NELL1: variants seen among roughly 807,000 people sequenced by gnomAD.
The protein encoded by NELL1 is neural EGFL like 1.
A neutral mutation model predicts 107.4 loss-of-function variants in NELL1; 76 were observed. That is an observed-to-expected ratio of 0.71 (90% CI 0.59 to 0.86). The LOEUF (loss-of-function observed/expected upper bound fraction) is 0.86, where lower values mean the gene tolerates loss of function less well. Ranked by LOEUF, NELL1 falls within the 40% of genes least tolerant of loss-of-function variation. The probability of loss-of-function intolerance (pLI) is 0.00; values close to 1 mark genes in which losing one functional copy is unlikely to be tolerated. For synonymous variants in NELL1, 353 were observed against 341.2 expected (o/e 1.03, Z -0.38); for missense variants, 1,024 against 1,005.5 (o/e 1.02, Z -0.25).
chr11:21,078,708 G>C (rs762654353), intron 12 of NELL1, among the ~76,000 whole-genome samples: 2 of 152,006 alleles, frequency 1.3e-5, no homozygotes, highest in Non-Finnish European at 2.9e-5. Flanking sequence ...TATATATTAT[G>C]TCATACCTGC....
intron 15 of NELL1, among the ~76,000 whole-genome samples, chr11:21,524,005 G>A (rs1400736015): frequency 6.6e-6 from 1 of 152,026 alleles, no homozygotes. Context: ...ACCTTGGTTG[G>A]TAGCAGAAAT....
Position 21,181,357 on chromosome 11 carries a change from T to TA in NELL1, c.1427-47974dup, listed in dbSNP as rs777856471. On this transcript the variant is annotated intron_variant, in intron 13 of 19. Coordinates refer to ENST00000357134, the MANE Select transcript of NELL1 (RefSeq NM_006157.5). ...ACCAACCTATAATACAAAGTGATAC[T>TA]AGGCAAGTGGATTTACTCAGGGGAT... Among the ~76,000 whole-genome samples the TA allele has an allele frequency of 5.4e-4, 82 of 151,892 alleles. 2 individuals are homozygous for TA. Among genetic ancestry groups the TA allele is most frequent in the African/African-American group, 1.5e-4 (6 of 41,196 alleles).
intron 15 of NELL1, among the ~76,000 whole-genome samples, chr11:21,448,084 G>A (rs910680160): frequency 1.3e-5 from 2 of 152,158 alleles, no homozygotes; most frequent in Non-Finnish European, 2.9e-5. Flanking sequence ...TTGATGAGTG[G>A]AGGCATTAGC....
intron 12 of NELL1, among the ~76,000 whole-genome samples, chr11:21,085,235 T>C (rs1479624813): frequency 6.6e-6 from 1 of 151,998 alleles, no homozygotes; most frequent in Admixed American, 6.6e-5. Flanking sequence ...GTGGAAGAAA[T>C]AGGTGACAAA....
intron 12 of NELL1, among the ~76,000 whole-genome samples, chr11:21,012,591 G>A (rs968514983): frequency 3.3e-5 from 5 of 152,072 alleles, no homozygotes; most frequent in African/African-American, 7.2e-5. Context: ...CATACAGTTC[G>A]CTAAAAATGA....
intron 12 of NELL1, among the ~76,000 whole-genome samples, chr11:21,107,458 T>C (rs898375189): frequency 6.6e-6 from 1 of 152,210 alleles, no homozygotes; most frequent in African/African-American, 2.4e-5. Context: ...ATAAAATTGC[T>C]CTGCAAGTTA....
At chr11:21,271,944 G>C (rs1356708473) in intron 14 of NELL1, among the ~76,000 whole-genome samples, 2 of 152,318 alleles carry the variant, frequency 1.3e-5, no homozygotes, top group African/African-American at 4.8e-5. Context: ...GGCTGAATAG[G>C]AACAGCTCCA....
At chr11:21,160,741 T>A (rs768632717) in intron 13 of NELL1, among the ~76,000 whole-genome samples, 2 of 152,198 alleles carry the variant, frequency 1.3e-5, no homozygotes, top group Non-Finnish European at 2.9e-5. Context: ...AGGCTAATAA[T>A]GTGTTTCATG....
At chr11:21,459,065 C>A (rs140191356) in intron 15 of NELL1, among the ~76,000 whole-genome samples, 1 of 152,052 alleles carries the variant, frequency 6.6e-6, no homozygotes, top group South Asian at 2.1e-4. Context: ...ATGTGAGATT[C>A]ATACCCAATT....
At chr11:20,921,220 G>A (rs531894050) in intron 7 of NELL1, among the ~76,000 whole-genome samples, 5 of 152,290 alleles carry the variant, frequency 3.3e-5, no homozygotes, top group South Asian at 4.1e-4. Flanking sequence ...TAGAGGGCCA[G>A]ATTTGGTCCA....
At chr11:20,743,277 C>T (rs1299462303) in intron 2 of NELL1, among the ~76,000 whole-genome samples, 1 of 151,728 alleles carries the variant, frequency 6.6e-6, no homozygotes, top group Non-Finnish European at 1.5e-5. Context: ...TCCTTGAACC[C>T]GGGGGGTGGT....
chr11:20,871,649 G>A (rs1361533389), intron 4 of NELL1, among the ~76,000 whole-genome samples: 1 of 150,388 alleles, frequency 6.6e-6, no homozygotes, highest in Admixed American at 6.6e-5. Flanking sequence ...TTTTATTCAT[G>A]TAGAAAAACC....
chr11:21,200,808 G>T (rs186700952), intron 13 of NELL1, among the ~76,000 whole-genome samples: 4 of 152,280 alleles, frequency 2.6e-5, no homozygotes, highest in Admixed American at 2.6e-4. Flanking sequence ...GTTAATGTTT[G>T]TATAAGGTGT....
intron 2 of NELL1, among the ~76,000 whole-genome samples, 167 bp downstream of exon 2, chr11:20,678,227 G>A (rs531451889): frequency 2.2e-4 from 34 of 152,204 alleles, no homozygotes; most frequent in Non-Finnish European, 4.3e-4. Context: ...GGGCAGGAGG[G>A]AGGCATTAGA....
chr11:20,854,972 G>A (rs189330949), intron 4 of NELL1, among the ~76,000 whole-genome samples: 24 of 152,344 alleles, frequency 1.6e-4, no homozygotes, highest in Admixed American at 5.2e-4. Context: ...AAAATAGAGA[G>A]TGTCTGCTTA....
chr11:20,926,414 G>A (rs1347210948), intron 7 of NELL1, among the ~76,000 whole-genome samples: 1 of 152,044 alleles, frequency 6.6e-6, no homozygotes, highest in Non-Finnish European at 1.5e-5. Context: ...GGTTTGCTCA[G>A]GATGGATTAC....
intron 12 of NELL1, among the ~76,000 whole-genome samples, chr11:21,038,440 A>G (rs981549710): frequency 2.0e-5 from 3 of 152,244 alleles, no homozygotes; most frequent in African/African-American, 7.2e-5. Context: ...AAAAACAACT[A>G]TATGATACAG....
intron 15 of NELL1, among the ~76,000 whole-genome samples, chr11:21,520,581 C>T (rs1054657639): frequency 6.6e-6 from 1 of 152,110 alleles, no homozygotes; most frequent in Non-Finnish European, 1.5e-5. Context: ...TGCTTAGTTG[C>T]ATGGATCCCA....
intron 4 of NELL1, among the ~76,000 whole-genome samples, chr11:20,866,903 T>C (rs1441938867): frequency 1.3e-5 from 2 of 152,220 alleles, no homozygotes; most frequent in Non-Finnish European, 2.9e-5. Context: ...TCCAAGCACT[T>C]GGCTAAATGC....
Sources: allele counts gnomAD v4.1 joint callset (sites outside exome capture counted in the v4.1 genomes callset), GRCh38; gene constraint gnomAD v4.1.1; transcripts MANE v1.5; gene names NCBI Gene and HGNC (gene_info 2026-07-23, HGNC 2026-07-21).